Variants in NKAIN3 observed in about 807,000 individuals in gnomAD.
The protein encoded by NKAIN3 is sodium/potassium transporting ATPase interacting 3, also known as sodium/potassium-transporting ATPase subunit beta-1-interacting protein 3.
A neutral mutation model predicts 30.2 loss-of-function variants in NKAIN3; 25 were observed. The observed-to-expected ratio is 0.83, with a 90% CI of 0.60 to 1.16. The LOEUF is 1.16. Ranked by LOEUF, NKAIN3 falls within the 50% of genes most tolerant of loss-of-function variation. The pLI, the probability that NKAIN3 is intolerant of heterozygous loss-of-function variation, is 0.00. For missense variants in NKAIN3, 225 were observed against 254.1 expected, an observed-to-expected ratio of 0.89 and a Z score of 0.78; for synonymous variants, 91 against 89.6, an observed-to-expected ratio of 1.02 and a Z score of -0.09.
intron 1 of NKAIN3, among the ~76,000 whole-genome samples, chr8:62,407,103 T>A (rs1804094678): frequency 6.6e-6 from 1 of 152,080 alleles, no homozygotes; most frequent in Non-Finnish European, 1.5e-5. Context: ...TTAATTTTAA[T>A]TGACTTTCCA....
At chr8:62,634,780 G>C (rs1812073837) in intron 3 of NKAIN3, among the ~76,000 whole-genome samples, 1 of 152,118 alleles carries the variant, frequency 6.6e-6, no homozygotes, top group Non-Finnish European at 1.5e-5. Flanking sequence ...GAGGGTGAGT[G>C]AATGGAGTTA....
At chr8:62,857,069 A>G in intron 4 of NKAIN3, 1 of 471,362 alleles carries the variant, frequency 2.1e-6, no homozygotes, top group Non-Finnish European at 4.2e-6. Context: ...TTGTAATACG[A>G]CTCCCACCTT....
At chr8:62,771,587 G>C (rs1037729999) in intron 4 of NKAIN3, among the ~76,000 whole-genome samples, 2 of 151,728 alleles carry the variant, frequency 1.3e-5, no homozygotes, top group Non-Finnish European at 2.9e-5. Context: ...AGATGAGAGA[G>C]TAAGTAGCAA....
At chr8:62,661,422 G>A (rs1032249696) in intron 3 of NKAIN3, among the ~76,000 whole-genome samples, 5 of 152,182 alleles carry the variant, frequency 3.3e-5, no homozygotes, top group Admixed American at 6.5e-5. Flanking sequence ...CAAATAAAGA[G>A]CATTTTTTAA....
chr8:62,735,826 G>A (rs1815645323), intron 3 of NKAIN3, among the ~76,000 whole-genome samples: 2 of 143,642 alleles, frequency 1.4e-5, no homozygotes, highest in Non-Finnish European at 3.0e-5. Flanking sequence ...TTGTCCCATG[G>A]TGTGACTCCT....
intron 1 of NKAIN3, among the ~76,000 whole-genome samples, chr8:62,390,540 T>A (rs1817559731): frequency 6.6e-6 from 1 of 152,240 alleles, no homozygotes; most frequent in Non-Finnish European, 1.5e-5. Context: ...GAATGATTTA[T>A]ATTCCTTTGG....
At chr8:62,366,142 C>T (rs1055960874) in intron 1 of NKAIN3, among the ~76,000 whole-genome samples, 6 of 151,122 alleles carry the variant, frequency 4.0e-5, no homozygotes, top group Non-Finnish European at 5.9e-5. Context: ...TTGTATGTTT[C>T]TAGGAATTTA....
intron 1 of NKAIN3, among the ~76,000 whole-genome samples, chr8:62,516,366 T>C (rs1251206491): frequency 1.3e-5 from 2 of 152,106 alleles, no homozygotes; most frequent in Admixed American, 6.6e-5. Flanking sequence ...AACCCTGTCA[T>C]GTAGTATTTT....
intron 3 of NKAIN3, among the ~76,000 whole-genome samples, chr8:62,689,875 A>T (rs1267770488): frequency 6.6e-6 from 1 of 151,968 alleles, no homozygotes; most frequent in Non-Finnish European, 1.5e-5. Flanking sequence ...GAAAAATTAC[A>T]TCATATCTCA....
At chr8:62,787,125 T>TA (rs1817544847) in intron 4 of NKAIN3, among the ~76,000 whole-genome samples, 1 of 152,184 alleles carries the variant, frequency 6.6e-6, no homozygotes, top group African/African-American at 2.4e-5. Context: ...TACATAATTT[T>TA]AATCATTCAT....
rs185350579 is a variant in NKAIN3, at chr8:62,372,947, C to T, written c.54+123820C>T. Among the ~76,000 whole-genome samples, 645 of 152,174 alleles carry T rather than the reference C, an allele frequency of 4.2e-3. 3 individuals are homozygous for T. The highest frequency in any genetic ancestry group is 6.5e-3 in the Non-Finnish European group (442 of 67,966). On this transcript the variant is annotated intron_variant, in intron 1 of 6. Transcript: ENST00000623646. ...TAGAAAAGAAAGAACATTCTTACAC[C>T]TACCAGCAGGACAAGCAAATTCTGC...
At chr8:62,575,553 A>G (rs1401484474) in intron 1 of NKAIN3, among the ~76,000 whole-genome samples, 2 of 152,150 alleles carry the variant, frequency 1.3e-5, no homozygotes, top group East Asian at 3.8e-4. Flanking sequence ...GGCAATCCAC[A>G]GATCTGAGGT....
intron 1 of NKAIN3, among the ~76,000 whole-genome samples, chr8:62,556,514 A>G (rs1585942096): frequency 2.6e-5 from 4 of 152,024 alleles, no homozygotes; most frequent in Admixed American, 1.3e-4. Context: ...AAAAGAGTTG[A>G]CTTAAAAGAC....
At chr8:62,312,201 A>G (rs1814464868) in intron 1 of NKAIN3, among the ~76,000 whole-genome samples, 1 of 150,784 alleles carries the variant, frequency 6.6e-6, no homozygotes. Context: ...GATGATATTG[A>G]TTAATTCAAT....
intron 1 of NKAIN3, among the ~76,000 whole-genome samples, chr8:62,492,587 A>G (rs1218839203): frequency 1.3e-5 from 2 of 152,120 alleles, no homozygotes; most frequent in Admixed American, 6.6e-5. Flanking sequence ...TCTTTCAACT[A>G]TTATTCTATT....
chr8:62,970,275 C>T lies in NKAIN3; in HGVS notation c.*4868C>T, dbSNP rs1823804767. 6.6e-6 allele frequency among the ~76,000 whole-genome samples: 1 copy of T among 151,816 alleles called. No individual in the cohort carries two copies. Among genetic ancestry groups the T allele is most frequent in the Admixed American group, 6.6e-5 (1 of 15,226 alleles). ...TTAATTATTAGAAGAAGGTATTTAT[C>T]AATAAAGAATTCTCAAAAAAATGGA... On this transcript the variant is annotated 3_prime_UTR_variant, in exon 7 of 7. Coordinates refer to ENST00000623646, the MANE Select transcript of NKAIN3 (RefSeq NM_001304533.3).
chr8:62,960,989 G>A (rs112665219), intron 6 of NKAIN3, among the ~76,000 whole-genome samples: 1 of 152,004 alleles, frequency 6.6e-6, no homozygotes, highest in Non-Finnish European at 1.5e-5. Context: ...ATTAAAAGTG[G>A]GACAACCAGG....
chr8:62,252,991 A>G (rs1330427863), intron 1 of NKAIN3, among the ~76,000 whole-genome samples: 1 of 152,182 alleles, frequency 6.6e-6, no homozygotes, highest in African/African-American at 2.4e-5. Context: ...TTTGGCAGGC[A>G]TTGTTCCCAC....
intron 1 of NKAIN3, among the ~76,000 whole-genome samples, chr8:62,407,255 T>C (rs913984969): frequency 2.0e-5 from 3 of 151,756 alleles, no homozygotes; most frequent in African/African-American, 7.3e-5. Context: ...TATATGTATA[T>C]ATATATACAC....
Sources: allele counts gnomAD v4.1 joint callset (sites outside exome capture counted in the v4.1 genomes callset), GRCh38; gene constraint gnomAD v4.1.1; transcripts MANE v1.5; gene names NCBI Gene and HGNC (gene_info 2026-07-23, HGNC 2026-07-21).